The following PLPP1 variants were observed in gnomAD, a reference collection of about 807,000 sequenced individuals.
PLPP1 encodes the protein phospholipid phosphatase 1, also known as lipid phosphate phosphohydrolase 1a.
PLPP1 carries 24 observed loss-of-function variants against 31.2 expected under a neutral mutation model. The observed-to-expected ratio is 0.77, with a 90% CI of 0.56 to 1.08. PLPP1 has a LOEUF of 1.08. PLPP1 is among the 50% of genes least tolerant of loss of function. The pLI, the probability that PLPP1 is intolerant of heterozygous loss-of-function variation, is 0.00. For synonymous variants in PLPP1, 146 were observed against 126.3 expected (o/e 1.16, Z -1.05); for missense variants, 319 against 342.7 (o/e 0.93, Z 0.55).
chr5:55,500,801 CG>C (rs1251502061), intron 1 of PLPP1, among the ~76,000 whole-genome samples: 2 of 151,988 alleles, frequency 1.3e-5, no homozygotes, highest in African/African-American at 2.4e-5. Flanking sequence ...AAAGAAATAA[CG>C]GGGGGAACAG....
At chr5:55,427,146 A>G (rs1751222544) in intron 4 of PLPP1, among the ~76,000 whole-genome samples, 1 of 152,172 alleles carries the variant, frequency 6.6e-6, no homozygotes, top group Admixed American at 6.5e-5. Flanking sequence ...ATAATTTATA[A>G]CATTCCCTTT....
chr5:55,520,960 C>T (rs975115940), intron 1 of PLPP1, among the ~76,000 whole-genome samples: 1 of 152,144 alleles, frequency 6.6e-6, no homozygotes, highest in Non-Finnish European at 1.5e-5. Flanking sequence ...ACCTGTAATC[C>T]CAGCACTTTA....
intron 1 of PLPP1, among the ~76,000 whole-genome samples, chr5:55,512,048 G>C (rs1753426134): frequency 6.6e-6 from 1 of 151,278 alleles, no homozygotes; most frequent in Admixed American, 6.6e-5. Flanking sequence ...AGAATCGTTT[G>C]AATCTGGGAG....
At chr5:55,511,853 T>C (rs1412312574) in intron 1 of PLPP1, among the ~76,000 whole-genome samples, 3 of 150,702 alleles carry the variant, frequency 2.0e-5, no homozygotes, top group Non-Finnish European at 4.4e-5. Context: ...TTATTTTTAG[T>C]AGAGACGGGG....
chr5:55,504,713 C>A (rs904860000), intron 1 of PLPP1, among the ~76,000 whole-genome samples: 1 of 151,728 alleles, frequency 6.6e-6, no homozygotes, highest in Non-Finnish European at 1.5e-5. Flanking sequence ...TATATAGAAG[C>A]CCATAGACTA....
At position 55,444,740 on chromosome 5, in the gene PLPP1, ATT is replaced by A. The variant is rs879406977; in HGVS notation, c.492-2834_492-2833del. The stretch of plus-strand genomic sequence containing the variant: ...CATAAATCACTATGAATGGGATTCT[ATT>A]TTGTGTGTGTGTGTGTGTGTGTGTG... On this transcript the variant is annotated intron_variant, in intron 3 of 5. Coordinates refer to ENST00000307259, the MANE Select transcript of PLPP1 (RefSeq NM_003711.4). Among the ~76,000 whole-genome samples, 96 of 16,464 alleles carry A rather than the reference ATT, an allele frequency of 5.8e-3. 2 individuals carry two copies. Among genetic ancestry groups the A allele is most frequent in the Middle Eastern group, 0.091 (2 of 22 alleles). The allele number at this position is 16,464 out of a possible 152,430, so 10.8% of individuals were successfully genotyped here.
At chr5:55,435,369 T>C (rs1263520689) in intron 4 of PLPP1, among the ~76,000 whole-genome samples, 3 of 150,682 alleles carry the variant, frequency 2.0e-5, no homozygotes, top group African/African-American at 7.3e-5. Context: ...AGATGTGCAG[T>C]GGTAACTGGG....
intron 3 of PLPP1, among the ~76,000 whole-genome samples, chr5:55,459,786 T>A (rs562466653): frequency 6.6e-6 from 1 of 152,140 alleles, no homozygotes; most frequent in Non-Finnish European, 1.5e-5. Context: ...AACAGCTACA[T>A]TGAGCATGCC....
intron 1 of PLPP1, chr5:55,530,071 C>T: frequency 1.4e-6 from 1 of 737,460 alleles, no homozygotes. Flanking sequence ...ATATACACAT[C>T]AAGTTACTGA....
At chr5:55,431,035 A>G (rs1751336229) in intron 4 of PLPP1, among the ~76,000 whole-genome samples, 1 of 152,240 alleles carries the variant, frequency 6.6e-6, no homozygotes, top group East Asian at 1.9e-4. Flanking sequence ...CAAAAATAAG[A>G]AAGAATGAGC....
At chr5:55,454,521 T>G (rs1407717376) in intron 3 of PLPP1, among the ~76,000 whole-genome samples, 1 of 152,232 alleles carries the variant, frequency 6.6e-6, no homozygotes, top group Non-Finnish European at 1.5e-5. Flanking sequence ...AGCAAATTTC[T>G]GTACTCCTCA....
At chr5:55,428,783 C>T (rs990980180) in intron 4 of PLPP1, among the ~76,000 whole-genome samples, 1 of 152,190 alleles carries the variant, frequency 6.6e-6, no homozygotes, top group African/African-American at 2.4e-5. Flanking sequence ...CTCTCCTCCC[C>T]ATACATGCCA....
At chr5:55,521,507 ACT>A (rs543716925) in intron 1 of PLPP1, among the ~76,000 whole-genome samples, 16 of 151,792 alleles carry the variant, frequency 1.1e-4, no homozygotes, top group Non-Finnish European at 1.8e-4. Context: ...ACAGAGCGAG[ACT>A]CTGTCTCAAA....
chr5:55,447,804 A>G (rs1173563706), intron 3 of PLPP1, among the ~76,000 whole-genome samples: 3 of 152,196 alleles, frequency 2.0e-5, no homozygotes, highest in African/African-American at 7.2e-5. Context: ...TCAATGTAAA[A>G]ATTGTCTTCT....
At chr5:55,438,054 G>A (rs1470464193) in intron 4 of PLPP1, among the ~76,000 whole-genome samples, 1 of 152,186 alleles carries the variant, frequency 6.6e-6, no homozygotes, top group Non-Finnish European at 1.5e-5. Flanking sequence ...AGGAGAGTCT[G>A]GCTGAAGCAT....
At position 55,443,176 on chromosome 5, in the gene PLPP1, T is replaced by C. The variant is rs1452202255; in HGVS notation, c.492-1268A>G. Among the ~76,000 whole-genome samples the C allele has an allele frequency of 4.1e-3, 74 of 18,028 alleles. 1 individual carries two copies. The highest frequency in any genetic ancestry group is 0.018 in the Admixed American group (21 of 1,198). The allele number at this position is 18,028 out of a possible 152,430, so 11.8% of individuals were successfully genotyped here. ...CAGTGGGTGGGAAAGAAAGGATTAC[T>C]TAAAAAAAAAAAAAAAATATATATA... On this transcript the variant is annotated intron_variant, in intron 3 of 5. Transcript: ENST00000307259.
chr5:55,433,772 C>T (rs1331809132), intron 4 of PLPP1, among the ~76,000 whole-genome samples: 4 of 151,594 alleles, frequency 2.6e-5, no homozygotes, highest in African/African-American at 9.7e-5. Context: ...GCTGGGATTA[C>T]AGGCGTGAGG....
chr5:55,457,687 G>A (rs979679051), intron 3 of PLPP1, among the ~76,000 whole-genome samples: 5 of 152,120 alleles, frequency 3.3e-5, no homozygotes, highest in African/African-American at 1.2e-4. Flanking sequence ...TCAGCAGTTC[G>A]AGACCAGCCT....
intron 2 of PLPP1, among the ~76,000 whole-genome samples, chr5:55,471,201 GAT>G (rs1561235794): frequency 1.4e-5 from 2 of 147,210 alleles, no homozygotes; most frequent in African/African-American, 5.1e-5. Context: ...CATCAGATCA[GAT>G]TTTTTTTTTT....
Sources: allele counts gnomAD v4.1 joint callset (sites outside exome capture counted in the v4.1 genomes callset), GRCh38; gene constraint gnomAD v4.1.1; transcripts MANE v1.5; gene names NCBI Gene and HGNC (gene_info 2026-07-23, HGNC 2026-07-21).